SULT1B1: variants seen among roughly 807,000 people sequenced by gnomAD.
SULT1B1 encodes the protein sulfotransferase family 1B member 1.
SULT1B1 carries 28 observed loss-of-function variants against 34.6 expected under a neutral mutation model. That is an observed-to-expected ratio of 0.81 (90% CI 0.60 to 1.11). The LOEUF is 1.11. Ranked by LOEUF, SULT1B1 falls within the 50% of genes least tolerant of loss-of-function variation. The pLI, the probability that SULT1B1 is intolerant of heterozygous loss-of-function variation, is 0.00. For synonymous variants in SULT1B1, 147 were observed against 110.2 expected (o/e 1.33, Z -2.09); for missense variants, 374 against 352.2 (o/e 1.06, Z -0.50).
intron 4 of SULT1B1, 101 bp from the exon 5 acceptor site, chr4:69,734,365 CA>C: frequency 2.2e-6 from 3 of 1,341,746 alleles, no homozygotes; most frequent in Non-Finnish European, 3.0e-6. Context: ...AGTACTTTTT[CA>C]AATAGAAATT....
At chr4:69,751,052 C>G (rs148553677) in intron 3 of SULT1B1, among the ~76,000 whole-genome samples, 103 of 152,310 alleles carry the variant, frequency 6.8e-4, no homozygotes, top group African/African-American at 2.4e-3. Flanking sequence ...GGTTATTTAT[C>G]TGAATTTGAA....
chr4:69,751,422 A>G (rs1718975967), intron 3 of SULT1B1, among the ~76,000 whole-genome samples: 1 of 152,208 alleles, frequency 6.6e-6, no homozygotes, highest in Admixed American at 6.5e-5. Flanking sequence ...TATAAAGACA[A>G]CAAAATTATC....
intron 4 of SULT1B1, among the ~76,000 whole-genome samples, chr4:69,746,599 T>G (rs540513170): frequency 1.3e-5 from 2 of 152,334 alleles, no homozygotes; most frequent in East Asian, 3.9e-4. Context: ...TTTCTGCTCT[T>G]TATCAGTTTT....
At chr4:69,744,350 G>C (rs1428932540) in intron 4 of SULT1B1, among the ~76,000 whole-genome samples, 1 of 152,204 alleles carries the variant, frequency 6.6e-6, no homozygotes, top group African/African-American at 2.4e-5. Flanking sequence ...GGAGGCTCTG[G>C]ACCTGGAAGT....
intron 3 of SULT1B1, among the ~76,000 whole-genome samples, chr4:69,751,910 T>A (rs1718997682): frequency 6.6e-6 from 1 of 152,204 alleles, no homozygotes; most frequent in African/African-American, 2.4e-5. Context: ...GTTCTGTCAC[T>A]TTTTCATTTC....
rs920504529 is a variant in SULT1B1 at position 69,740,691 on chromosome 4, T to C, written c.376-6427A>G. 1.4e-4 allele frequency among the ~76,000 whole-genome samples: 22 copies of C among 152,336 alleles called. No individual in the cohort carries two copies. The East Asian group carries it at 4.2e-3, about 29-fold the overall frequency. ...ATGCCTTCAGGTAACTACTCAGTAA[T>C]AGGATTGCTGGGATTCATGGTAATT... is the stretch of plus-strand genomic sequence containing the variant. On this transcript the variant is annotated intron_variant, in intron 4 of 7. Transcript: ENST00000310613.
At chr4:69,735,388 A>G (rs560888734) in intron 4 of SULT1B1, among the ~76,000 whole-genome samples, 1 of 152,346 alleles carries the variant, frequency 6.6e-6, no homozygotes, top group African/African-American at 2.4e-5. Flanking sequence ...CAACAGAGAC[A>G]TAGTGGAGAA....
At position 69,723,320 on chromosome 4, in the gene SULT1B1, AC is replaced by A. The variant is rs1166170923; in HGVS notation, c.*3767del. The A allele has an allele frequency of 6.6e-6, 1 of 152,130 alleles. No individual in the cohort carries two copies. The highest frequency in any genetic ancestry group is 1.5e-5 in the Non-Finnish European group (1 of 68,042). 9.4% of individuals were successfully genotyped at this position (152,130 alleles called of 1,614,324 possible). ...GACACATACACCCTCCCAAGAATAA[AC>A]CAGGAAGAAGTTGAATCTCTGAATA... On this transcript the variant is annotated 3_prime_UTR_variant, in exon 8 of 8. Coordinates refer to ENST00000310613, the MANE Select transcript of SULT1B1 (RefSeq NM_014465.4).
chr4:69,751,881 C>T (rs1718996749), intron 3 of SULT1B1, among the ~76,000 whole-genome samples: 2 of 152,194 alleles, frequency 1.3e-5, no homozygotes, highest in Admixed American at 1.3e-4. Flanking sequence ...CCCTGACTCC[C>T]ATGTCTCTGA....
In SULT1B1 at chr4:69,754,683, T is replaced by C; in HGVS notation, c.264A>G (p.Gly88=). 1.2e-6 allele frequency: 2 copies of C among 1,613,084 alleles called. No individual in the cohort carries two copies. The highest frequency in any genetic ancestry group is 1.7e-6 in the Non-Finnish European group (2 of 1,179,412). ...KVPMLEMTLP[G]LRTSGIEQLE... ...GGTTAAATTTACCTGATGTTCTTAA[T>C]CCAGGGAGAGTCATTTCCAACATTG... is the stretch of plus-strand genomic sequence containing the variant. The change falls in exon 3 of 8, where the codon GGA becomes GGG. Residue 88 remains glycine, a synonymous_variant. Transcript: ENST00000310613.
chr4:69,732,565 A>T lies in SULT1B1; in HGVS notation c.597+848T>A, dbSNP rs1008305357. 2.6e-5 allele frequency among the ~76,000 whole-genome samples: 4 copies of T among 152,140 alleles called. No homozygotes were observed. The South Asian group carries it at 8.3e-4, about 32-fold the overall frequency. ...ACAAACTTCGTAATTTTCATTGTAG[A>T]TCTGAAAGTATTCTAACTTGTATGT... On this transcript the variant is annotated intron_variant, in intron 6 of 7. Transcript: ENST00000310613.
At chr4:69,742,681 T>C (rs937665914) in intron 4 of SULT1B1, among the ~76,000 whole-genome samples, 4 of 152,174 alleles carry the variant, frequency 2.6e-5, no homozygotes, top group Non-Finnish European at 5.9e-5. Context: ...GCTCTGGCCC[T>C]CTGGGCTTGC....
chr4:69,752,148 T>C (rs1157209689), intron 3 of SULT1B1, among the ~76,000 whole-genome samples: 1 of 152,236 alleles, frequency 6.6e-6, no homozygotes, highest in Non-Finnish European at 1.5e-5. Context: ...TTTGTGAGAG[T>C]AACAGATTTG....
chr4:69,750,789 G>A (rs1259408420), intron 3 of SULT1B1, among the ~76,000 whole-genome samples: 1 of 152,028 alleles, frequency 6.6e-6, no homozygotes, highest in Admixed American at 6.6e-5. Flanking sequence ...CCTAAACTTA[G>A]ACTAAAATGG....
At chr4:69,738,066 A>G (rs539283237) in intron 4 of SULT1B1, among the ~76,000 whole-genome samples, 5 of 152,138 alleles carry the variant, frequency 3.3e-5, no homozygotes, top group Non-Finnish European at 5.9e-5. Context: ...CTTTGTGTCC[A>G]CGTATACTCA....
chr4:69,739,288 C>A (rs13130539), intron 4 of SULT1B1, among the ~76,000 whole-genome samples: 1 of 152,050 alleles, frequency 6.6e-6, no homozygotes, highest in Non-Finnish European at 1.5e-5. Context: ...TCCATGAGAG[C>A]TCCGCCCATG....
intron 3 of SULT1B1, among the ~76,000 whole-genome samples, chr4:69,752,976 G>A (rs1719036512): frequency 6.6e-6 from 1 of 151,906 alleles, no homozygotes; most frequent in East Asian, 1.9e-4. Flanking sequence ...CCTAACTTCT[G>A]CATGTTGATG....
Position 69,755,094 on chromosome 4 carries a change from C to G in SULT1B1, c.124G>C (p.Val42Leu), listed in dbSNP as rs753288886. ...EQFHSRPDDI[V>L]IATYPKSGTT... ...CCTGATTTAGGATAAGTGGCTATCA[C>G]AATGTCATCTGGTCTGCTATGGAAC... The change falls in exon 2 of 8, where the codon GTG (valine) becomes CTG (leucine). Residue 42 changes from valine to leucine, a missense_variant. Physicochemically the swap from Val to Leu is conservative, Grantham distance 32. Coordinates refer to ENST00000310613, the MANE Select transcript of SULT1B1 (RefSeq NM_014465.4). The G allele has an allele frequency of 6.8e-6, 11 of 1,613,648 alleles. No homozygotes were observed. The highest frequency in any genetic ancestry group is 8.5e-6 in the Non-Finnish European group (10 of 1,179,614).
chr4:69,741,436 T>A (rs1404769773), intron 4 of SULT1B1, among the ~76,000 whole-genome samples: 1 of 152,206 alleles, frequency 6.6e-6, no homozygotes, highest in Non-Finnish European at 1.5e-5. Context: ...AATTAGTAAT[T>A]TGATAGGAAT....
Sources: allele counts gnomAD v4.1 joint callset (sites outside exome capture counted in the v4.1 genomes callset), GRCh38; gene constraint gnomAD v4.1.1; transcripts MANE v1.5; gene names NCBI Gene and HGNC (gene_info 2026-07-23, HGNC 2026-07-21).